Variants in MICU2 observed in about 807,000 individuals in gnomAD.
The protein encoded by MICU2 is mitochondrial calcium uptake 2.
A neutral mutation model predicts 60.4 loss-of-function variants in MICU2; 64 were observed. That is an observed-to-expected ratio of 1.06 (90% confidence interval 0.87 to 1.31). MICU2 has a LOEUF of 1.31. MICU2 is among the 50% of genes most tolerant of loss of function. The pLI is 0.00. For synonymous variants in MICU2, 201 were observed against 175.0 expected (o/e 1.15, Z -1.17); for missense variants, 569 against 531.0 (o/e 1.07, Z -0.70).
chr13:21,505,400 C>T (rs1226055791), intron 8 of MICU2, among the ~76,000 whole-genome samples: 1 of 152,038 alleles, frequency 6.6e-6, no homozygotes, highest in Non-Finnish European at 1.5e-5. Context: ...CAATGCTTTC[C>T]CCCAGAACAA....
intron 9 of MICU2, among the ~76,000 whole-genome samples, chr13:21,500,372 G>A (rs55900540): frequency 0.018 from 2,648 of 149,148 alleles, 43 homozygotes; most frequent in Non-Finnish European, 0.026. Flanking sequence ...ATATTAAATA[G>A]GGAAAAAAAA....
rs1394547582 is a variant in MICU2 at position 21,514,800 on chromosome 13, A to G, written c.598-382T>C. 4.6e-5 allele frequency among the ~76,000 whole-genome samples: 7 copies of G among 151,556 alleles called. No homozygotes were observed. The South Asian group carries it at 6.3e-4, about 14-fold the overall frequency. On this transcript the variant is annotated intron_variant, in intron 6 of 11. Transcript: ENST00000382374. ...TGTGATCCACCCGCCTCGGCCTCCCAAAGTGCTGGGATTACAGGTGTGAGC... is the reference window on the plus strand; with the variant it reads ...TGTGATCCACCCGCCTCGGCCTCCCGAAGTGCTGGGATTACAGGTGTGAGC...
Position 21,551,649 on chromosome 13 carries a change from C to T in MICU2, c.359-11961G>A, listed in dbSNP as rs936520787. The stretch of plus-strand genomic sequence containing the variant: ...TCCCCTTCCTGTGTCCACGTGTTCT[C>T]ACTGTTCAATTCCCACCTATGAGTG... On this transcript the variant is annotated intron_variant, in intron 2 of 11. Coordinates refer to ENST00000382374, the MANE Select transcript of MICU2 (RefSeq NM_152726.3). Among the ~76,000 whole-genome samples, 4 of 142,614 alleles carry T rather than the reference C, an allele frequency of 2.8e-5. No homozygotes were observed. The Admixed American group carries it at 3.0e-4, about 11-fold the overall frequency. 93.6% of individuals were successfully genotyped at this position (142,614 alleles called of 152,430 possible).
rs142512837 is a variant in MICU2 at position 21,581,536 on chromosome 13, A to G, written c.211-14592T>C. On this transcript the variant is annotated intron_variant, in intron 1 of 11. Transcript: ENST00000382374. ...GGAAAGAGTATGTAACTTTTACCACATAATCAGATTCACACCCTATTCAAA... is the reference window on the plus strand; with the variant it reads ...GGAAAGAGTATGTAACTTTTACCACGTAATCAGATTCACACCCTATTCAAA... 2.6e-3 allele frequency among the ~76,000 whole-genome samples: 399 copies of G among 152,352 alleles called. 1 individual carries two copies. The highest frequency in any genetic ancestry group is 9.3e-3 in the African/African-American group (385 of 41,582).
intron 1 of MICU2, among the ~76,000 whole-genome samples, chr13:21,573,576 G>T (rs1483486127): frequency 6.6e-6 from 1 of 151,910 alleles, no homozygotes; most frequent in African/African-American, 2.4e-5. Flanking sequence ...CCAGCTTGCT[G>T]CCATCTTATG....
intron 7 of MICU2, among the ~76,000 whole-genome samples, chr13:21,513,279 T>C (rs566804420): frequency 3.3e-5 from 5 of 152,304 alleles, no homozygotes; most frequent in Admixed American, 3.3e-4. Flanking sequence ...CAGCACTGTA[T>C]TGAACAAGAG....
chr13:21,567,615 A>G (rs2761915), intron 1 of MICU2, among the ~76,000 whole-genome samples: 144,363 of 152,288 alleles, frequency 0.95, 68,557 homozygotes, highest in East Asian at 1. Flanking sequence ...AAAATATTGC[A>G]GAATATATAG....
intron 1 of MICU2, among the ~76,000 whole-genome samples, chr13:21,587,396 T>C (rs559681391): frequency 5.9e-5 from 9 of 152,340 alleles, no homozygotes; most frequent in African/African-American, 1.2e-4. Context: ...ATAAAAGTAA[T>C]TGTAATTATC....
At chr13:21,530,924 A>C in intron 4 of MICU2, 1 of 762,338 alleles carries the variant, frequency 1.3e-6, no homozygotes, top group Non-Finnish European at 2.4e-6. Flanking sequence ...GTGCTGCAGA[A>C]TGTTGGCCCC....
chr13:21,518,435 G>A (rs77844619), intron 6 of MICU2, among the ~76,000 whole-genome samples: 1,626 of 152,270 alleles, frequency 0.011, 33 homozygotes, highest in African/African-American at 0.036. Flanking sequence ...TGGTGCTGAT[G>A]AGTATGACAC....
Position 21,492,808 on chromosome 13 carries a change from G to A in MICU2, c.*441C>T, listed in dbSNP as rs1885891120. ...GACATAAAATATGCAATAAATTTAT[G>A]AGATATAAGGTACAGATGAGAAAAA... On this transcript the variant is annotated 3_prime_UTR_variant, in exon 12 of 12. Transcript: ENST00000382374. 1 of 152,422 alleles carries A rather than the reference G, an allele frequency of 6.6e-6. No homozygotes were observed. The highest frequency in any genetic ancestry group is 1.9e-4 in the East Asian group (1 of 5,336). The allele number at this position is 152,422 out of a possible 1,614,324, so 9.4% of individuals were successfully genotyped here.
At chr13:21,551,789 A>C (rs1166266349) in intron 2 of MICU2, among the ~76,000 whole-genome samples, 2 of 151,960 alleles carry the variant, frequency 1.3e-5, no homozygotes, top group African/African-American at 2.4e-5. Context: ...ATGGCTGCAT[A>C]GTATTCCATG....
At chr13:21,525,337 C>T (rs1886824180) in intron 4 of MICU2, among the ~76,000 whole-genome samples, 1 of 151,550 alleles carries the variant, frequency 6.6e-6, no homozygotes, top group Non-Finnish European at 1.5e-5. Flanking sequence ...GGACTACAGG[C>T]GCCCACCACC....
At chr13:21,504,864 C>G (rs1231115845) in intron 8 of MICU2, among the ~76,000 whole-genome samples, 1 of 152,132 alleles carries the variant, frequency 6.6e-6, no homozygotes, top group Non-Finnish European at 1.5e-5. Flanking sequence ...TTGGCAAACA[C>G]TACAAATCAA....
chr13:21,596,333 C>A (rs1353550808), intron 1 of MICU2, among the ~76,000 whole-genome samples: 2 of 152,072 alleles, frequency 1.3e-5, no homozygotes, highest in Admixed American at 6.5e-5. Context: ...GACTCACTTC[C>A]CCCCACATTT....
In MICU2 at chr13:21,573,068, T is replaced by C. The variant is rs73158448; in HGVS notation, c.211-6124A>G. On this transcript the variant is annotated intron_variant, in intron 1 of 11. Coordinates refer to ENST00000382374, the MANE Select transcript of MICU2 (RefSeq NM_152726.3). ...AACATTATTGTCTGATTTTACTATA[T>C]ATTCAAAGTACTTCGTAGAATGTAT... Among the ~76,000 whole-genome samples the C allele has an allele frequency of 4.5e-3, 689 of 152,360 alleles. 3 individuals carry two copies. The highest frequency in any genetic ancestry group is 7.9e-3 in the Non-Finnish European group (538 of 68,038).
At chr13:21,576,935 C>G (rs1314540044) in intron 1 of MICU2, among the ~76,000 whole-genome samples, 1 of 151,994 alleles carries the variant, frequency 6.6e-6, no homozygotes, top group East Asian at 1.9e-4. Context: ...TTATCCAAAA[C>G]AAAAATAGAA....
chr13:21,512,167 ATCTC>A (rs1219957903), intron 7 of MICU2, among the ~76,000 whole-genome samples: 3 of 152,164 alleles, frequency 2.0e-5, no homozygotes, highest in Admixed American at 1.3e-4. Context: ...GTGGCTGTAT[ATCTC>A]TCTATGGTTT....
At chr13:21,514,534 T>G (rs1225585577) in intron 6 of MICU2, 116 bp from the exon 7 acceptor site, 4 of 697,578 alleles carry the variant, frequency 5.7e-6, no homozygotes, top group Non-Finnish European at 9.5e-6. Flanking sequence ...TGCTAAATAT[T>G]AACTTCTTTT....
Sources: allele counts gnomAD v4.1 joint callset (sites outside exome capture counted in the v4.1 genomes callset), GRCh38; gene constraint gnomAD v4.1.1; transcripts MANE v1.5; gene names NCBI Gene and HGNC (gene_info 2026-07-23, HGNC 2026-07-21).